The following RAB28 variants were observed in gnomAD, a reference collection of about 807,000 sequenced individuals.
The protein encoded by RAB28 is ras-related protein Rab-28.
A neutral mutation model predicts 31.7 loss-of-function variants in RAB28; 24 were observed. The ratio of observed to expected loss-of-function variants is 0.76; its 90% CI spans 0.55 to 1.06. The LOEUF (loss-of-function observed/expected upper bound fraction) is 1.06, where lower values mean the gene tolerates loss of function less well. Among genes scored for constraint, RAB28 ranks in the 50% least tolerant of loss-of-function variants. The pLI is 0.00. For synonymous variants in RAB28, 100 were observed against 90.4 expected (o/e 1.11, Z -0.60); for missense variants, 254 against 258.5 (o/e 0.98, Z 0.12).
intron 6 of RAB28, among the ~76,000 whole-genome samples, chr4:13,375,096 C>A (rs1728867372): frequency 6.6e-6 from 1 of 152,116 alleles, no homozygotes; most frequent in Non-Finnish European, 1.5e-5. Flanking sequence ...CCCAGTATGG[C>A]AGAGTGGAAA....
At position 13,465,126 on chromosome 4, in the gene RAB28, G is replaced by A. The variant is rs150647336; in HGVS notation, c.262-4298C>T. ...TGAAATGCAAAAAGAAAAAAACAAC[G>A]AATAAAACAGAACATTAAAGAACAG... On this transcript the variant is annotated intron_variant, in intron 3 of 6. Transcript: ENST00000330852. Among the ~76,000 whole-genome samples the A allele has an allele frequency of 9.2e-5, 14 of 151,916 alleles. No individual in the cohort carries two copies. In the East Asian group the frequency reaches 1.9e-3, roughly 21 times the overall value.
At chr4:13,454,447 G>A (rs1046511361) in intron 4 of RAB28, among the ~76,000 whole-genome samples, 4 of 152,126 alleles carry the variant, frequency 2.6e-5, no homozygotes, top group Admixed American at 6.5e-5. Context: ...GCATCTGGTA[G>A]AAGAGTCACC....
intron 6 of RAB28, among the ~76,000 whole-genome samples, chr4:13,373,271 G>T (rs1268365793): frequency 6.6e-6 from 1 of 150,846 alleles, no homozygotes; most frequent in Non-Finnish European, 1.5e-5. Context: ...TATGTACTTT[G>T]CAAATAAAAA....
At chr4:13,462,945 C>T (rs545852864) in intron 3 of RAB28, among the ~76,000 whole-genome samples, 52 of 152,316 alleles carry the variant, frequency 3.4e-4, no homozygotes, top group East Asian at 2.7e-3. Flanking sequence ...AAGAGCTCTA[C>T]GCTGGAACTC....
Position 13,434,839 on chromosome 4 carries a change from T to C in RAB28, c.391+25860A>G, listed in dbSNP as rs1432179887. ...TTTGAGACCAGCCTGGCATATATGG[T>C]GAAACCCTGTCTCTACTAAAAGTAC... On this transcript the variant is annotated intron_variant, in intron 4 of 6. Coordinates refer to ENST00000330852, the MANE Select transcript of RAB28 (RefSeq NM_001017979.3). Among the ~76,000 whole-genome samples, 4 of 151,604 alleles carry C rather than the reference T, an allele frequency of 2.6e-5. No homozygotes were observed. The South Asian group carries it at 6.2e-4, about 24-fold the overall frequency.
At position 13,439,356 on chromosome 4, in the gene RAB28, G is replaced by GTTTTGT. The variant is rs1386043390; in HGVS notation, c.391+21337_391+21342dup. ...GTTGTTTTAATCCAAGGTCATATTG[G>GTTTTGT]TTTTGTTTTTGTTTTTCAGACAAAG... is the stretch of plus-strand genomic sequence containing the variant. On this transcript the variant is annotated intron_variant, in intron 4 of 6. Transcript: ENST00000330852. Among the ~76,000 whole-genome samples, 6 of 152,112 alleles carry GTTTTGT rather than the reference G, an allele frequency of 3.9e-5. No individual in the cohort carries two copies. In the East Asian group the frequency reaches 1.2e-3, roughly 30 times the overall value.
chr4:13,440,011 A>T (rs1290241856), intron 4 of RAB28, among the ~76,000 whole-genome samples: 1 of 152,210 alleles, frequency 6.6e-6, no homozygotes, highest in African/African-American at 2.4e-5. Flanking sequence ...AACACAACTA[A>T]TCATAACATA....
intron 4 of RAB28, among the ~76,000 whole-genome samples, chr4:13,393,855 C>CA (rs759509251): frequency 0.3 from 23,601 of 79,534 alleles, 3,144 homozygotes; most frequent in Middle Eastern, 0.41. Context: ...TCACAGGCTA[C>CA]AAAAAAAAAA....
intron 3 of RAB28, among the ~76,000 whole-genome samples, chr4:13,463,411 A>G (rs1354088420): frequency 6.6e-6 from 1 of 152,200 alleles, no homozygotes; most frequent in African/African-American, 2.4e-5. Flanking sequence ...AATCTGGCCC[A>G]CACTGTGTAT....
At chr4:13,434,380 C>T (rs767732351) in intron 4 of RAB28, among the ~76,000 whole-genome samples, 7 of 152,128 alleles carry the variant, frequency 4.6e-5, no homozygotes, top group Non-Finnish European at 7.3e-5. Context: ...CAAGATTTAA[C>T]CATGCTAAAT....
chr4:13,399,002 A>G (rs1711601599), intron 4 of RAB28, among the ~76,000 whole-genome samples: 1 of 152,132 alleles, frequency 6.6e-6, no homozygotes, highest in South Asian at 2.1e-4. Context: ...ACAGCATCAC[A>G]CTATTCTATA....
At chr4:13,423,414 GTAAT>G (rs1246194577) in intron 4 of RAB28, among the ~76,000 whole-genome samples, 6 of 150,948 alleles carry the variant, frequency 4.0e-5, no homozygotes, top group Non-Finnish European at 7.4e-5. Flanking sequence ...GCAGATACCT[GTAAT>G]CCCAGCTACT....
At chr4:13,418,350 C>T (rs1712917943) in intron 4 of RAB28, among the ~76,000 whole-genome samples, 1 of 152,156 alleles carries the variant, frequency 6.6e-6, no homozygotes, top group South Asian at 2.1e-4. Context: ...TCCAGGAGAA[C>T]TTCCCCAACC....
At chr4:13,391,168 C>G (rs1318622855) in intron 4 of RAB28, among the ~76,000 whole-genome samples, 3 of 152,090 alleles carry the variant, frequency 2.0e-5, no homozygotes, top group Non-Finnish European at 4.4e-5. Flanking sequence ...TGACAAAGGA[C>G]TAATATCCAG....
In RAB28 at chr4:13,376,530, G is replaced by T; in HGVS notation, c.573+15C>A. ...AATTCATTAATTTTTTAAATATAAA[G>T]TTCAAGGTAATCACCTGTGACTGTT... is the stretch of plus-strand genomic sequence containing the variant. On this transcript the variant is annotated intron_variant, in intron 6 of 6. Transcript: ENST00000330852. The T allele has an allele frequency of 6.4e-7, 1 of 1,563,176 alleles. No individual in the cohort carries two copies.
chr4:13,479,648 G>C (rs1029239613), intron 1 of RAB28, 122 bp from the exon 2 acceptor site: 1 of 682,300 alleles, frequency 1.5e-6, no homozygotes. Context: ...GCAAATTTAA[G>C]CAGTTCTAAT....
chr4:13,422,459 T>C (rs1022408847), intron 4 of RAB28, among the ~76,000 whole-genome samples: 6 of 152,192 alleles, frequency 3.9e-5, no homozygotes, highest in Admixed American at 3.9e-4. Flanking sequence ...CTATGTTTAT[T>C]GCGGCACTAT....
intron 4 of RAB28, among the ~76,000 whole-genome samples, chr4:13,401,439 T>A (rs140789386): frequency 2.0e-5 from 3 of 152,084 alleles, no homozygotes. Flanking sequence ...GACGGGTTGA[T>A]GGGTGCAGCA....
chr4:13,378,628 T>C (rs1729011662), intron 5 of RAB28, among the ~76,000 whole-genome samples: 3 of 152,052 alleles, frequency 2.0e-5, no homozygotes, highest in Non-Finnish European at 4.4e-5. Context: ...ATAATACATA[T>C]GAAAGAGAGA....
Sources: gnomAD v4.1 joint callset for allele counts (sites outside exome capture counted in the v4.1 genomes callset) on GRCh38, gnomAD v4.1.1 for gene constraint, MANE v1.5 for transcripts, NCBI Gene and HGNC (gene_info 2026-07-23, HGNC 2026-07-21) for gene names.